The following ALMS1 variants were observed in gnomAD, a reference collection of about 807,000 sequenced individuals.
ALMS1 encodes the protein centrosome-associated protein ALMS1.
A neutral mutation model predicts 352.2 loss-of-function variants in ALMS1; 271 were observed. The ratio of observed to expected loss-of-function variants is 0.77; its 90% CI spans 0.70 to 0.85. ALMS1 has a LOEUF of 0.85. ALMS1 is among the 40% of genes least tolerant of loss of function. The probability of loss-of-function intolerance (pLI) is 0.00; values close to 1 mark genes in which losing one functional copy is unlikely to be tolerated. For synonymous variants in ALMS1, 1,865 were observed against 1,761.2 expected (o/e 1.06, Z -1.48); for missense variants, 5,445 against 4,870.7 (o/e 1.12, Z -3.51).
intron 21 of ALMS1, among the ~76,000 whole-genome samples, chr2:73,604,931 G>A (rs1407146970): frequency 6.6e-6 from 1 of 152,188 alleles, no homozygotes; most frequent in Non-Finnish European, 1.5e-5. Context: ...CGCCAGGAGT[G>A]TGATGGAAGA....
chr2:73,525,391 G>A lies in ALMS1; in HGVS notation c.9781+5375G>A, dbSNP rs553674107. ...AGTGTTGTACTAATTTACATTCCCA[G>A]CAACAGTGTACAAGAGTTCCCTTTT... On this transcript the variant is annotated intron_variant, in intron 11 of 22. Transcript: ENST00000613296. Among the ~76,000 whole-genome samples, 12 of 152,228 alleles carry A rather than the reference G, an allele frequency of 7.9e-5. No homozygotes were observed. In the South Asian group the frequency reaches 2.3e-3, roughly 29 times the overall value.
Position 73,545,674 on chromosome 2 carries a change from G to A in ALMS1, c.9908-4593G>A, listed in dbSNP as rs552337207. 5.9e-5 allele frequency among the ~76,000 whole-genome samples: 9 copies of A among 152,284 alleles called. No homozygotes were observed. In the East Asian group the frequency reaches 7.7e-4, roughly 13 times the overall value. ...CAGTTAAATCAGATGAGTGGAATTC[G>A]GTGAGATGTCTTTAGCTGTGATAAA... On this transcript the variant is annotated intron_variant, in intron 12 of 22. Transcript: ENST00000613296.
At position 73,575,800 on chromosome 2, in the gene ALMS1, C is replaced by T. The variant is rs571154944; in HGVS notation, c.11547+2376C>T. On this transcript the variant is annotated intron_variant, in intron 16 of 22. Transcript: ENST00000613296. The stretch of plus-strand genomic sequence containing the variant: ...CCTCTTTCACAGTCACTCTGCTGAC[C>T]GTGTCTTCTGACATATAGAAGTTTT... Among the ~76,000 whole-genome samples, 35 of 152,038 alleles carry T rather than the reference C, an allele frequency of 2.3e-4. No homozygotes were observed. In the East Asian group the frequency reaches 6.4e-3, roughly 28 times the overall value.
chr2:73,453,092 T>TA lies in ALMS1; in HGVS notation c.6566dup (p.Tyr2189Ter), dbSNP rs1671983691. Residue 2189 changes from tyrosine to a stop codon, truncating the protein, a stop_gained and frameshift_variant, in exon 8 of 23, where the codon TAC (tyrosine) becomes TAAC (stop). Coordinates refer to ENST00000613296, the MANE Select transcript of ALMS1 (RefSeq NM_001378454.1). LOFTEE classifies it high-confidence loss of function. ...TGLQTVPSGT[Y>*]SHGENHKLVS... ...ATTACAAACAGTTCCCTCTGGTACT[T>TA]ACTCACATGGTGAGAATCACAAGCT... 3.1e-6 allele frequency: 5 copies of TA among 1,613,964 alleles called. No homozygotes were observed. The highest frequency in any genetic ancestry group is 4.2e-6 in the Non-Finnish European group (5 of 1,180,010).
chr2:73,521,414 C>T (rs1177852213), intron 11 of ALMS1, among the ~76,000 whole-genome samples: 1 of 151,864 alleles, frequency 6.6e-6, no homozygotes, highest in African/African-American at 2.4e-5. Flanking sequence ...GTGGTGTTCT[C>T]ATGGTGGTGG....
chr2:73,540,484 G>C (rs1337056528), intron 12 of ALMS1, among the ~76,000 whole-genome samples: 1 of 152,144 alleles, frequency 6.6e-6, no homozygotes, highest in Non-Finnish European at 1.5e-5. Flanking sequence ...AAAATAACCA[G>C]CTAACATCAC....
intron 12 of ALMS1, among the ~76,000 whole-genome samples, chr2:73,536,314 C>T (rs560663858): frequency 2.0e-5 from 3 of 152,276 alleles, no homozygotes; most frequent in South Asian, 2.1e-4. Flanking sequence ...CTAACACTTC[C>T]ATCTGGTTGG....
At chr2:73,423,765 C>A (rs1671327218) in intron 4 of ALMS1, among the ~76,000 whole-genome samples, 1 of 151,744 alleles carries the variant, frequency 6.6e-6, no homozygotes, top group Non-Finnish European at 1.5e-5. Context: ...CTTTCTCTTT[C>A]TCTTTTTGTT....
In ALMS1 at chr2:73,448,263, G is replaced by C; in HGVS notation, c.1736G>C (p.Gly579Ala). ...CTCTCTAGTTCCCACTCACATAGGGGGAAGCCCAGCATTTTCTACCAGCAG... is the reference window on the plus strand; with the variant it reads ...CTCTCTAGTTCCCACTCACATAGGGCGAAGCCCAGCATTTTCTACCAGCAG... ...TVLSSSHSHR[G>A]KPSIFYQQGL... is the part of the protein sequence containing the mutation. The change falls in exon 8 of 23, where the codon GGG becomes GCG. Residue 579 changes from glycine to alanine, a missense_variant. By Grantham distance (60) the Gly-to-Ala change is moderately conservative. Coordinates refer to ENST00000613296, the MANE Select transcript of ALMS1 (RefSeq NM_001378454.1). The C allele has an allele frequency of 6.2e-7, 1 of 1,613,086 alleles. No homozygotes were observed. Among genetic ancestry groups the C allele is most frequent in the Non-Finnish European group, 8.5e-7 (1 of 1,179,644 alleles).
At chr2:73,495,258 G>A (rs780950856) in intron 10 of ALMS1, among the ~76,000 whole-genome samples, 3 of 151,720 alleles carry the variant, frequency 2.0e-5, no homozygotes, top group Non-Finnish European at 4.4e-5. Context: ...TTTTTGAGCC[G>A]GAGTCTTGCT....
In ALMS1 at chr2:73,450,077, A is replaced by T. The variant is rs574853656; in HGVS notation, c.3550A>T (p.Ile1184Leu). The T allele has an allele frequency of 2.5e-6, 4 of 1,614,000 alleles. No individual in the cohort carries two copies. The South Asian group carries it at 4.4e-5, about 18-fold the overall frequency. Reference protein sequence around the residue: ...VTGPGNQKTWIPRVLSTFYSQ... With the variant: ...VTGPGNQKTWLPRVLSTFYSQ... Reference sequence around the variant, plus strand: ...TGGACCAGGTAACCAGAAGACTTGGATACCAAGAGTACTTTCTACCTTCTA... The same window carrying T: ...TGGACCAGGTAACCAGAAGACTTGGTTACCAAGAGTACTTTCTACCTTCTA... The change falls in exon 8 of 23, where the codon ATA becomes TTA. Residue 1184 changes from isoleucine to leucine, a missense_variant. Physicochemically the swap from Ile to Leu is conservative, Grantham distance 5 (BLOSUM62 2). Coordinates refer to ENST00000613296, the MANE Select transcript of ALMS1 (RefSeq NM_001378454.1).
At chr2:73,582,372 C>T (rs1047903704) in intron 16 of ALMS1, among the ~76,000 whole-genome samples, 4 of 151,924 alleles carry the variant, frequency 2.6e-5, no homozygotes, top group South Asian at 4.1e-4. Flanking sequence ...ATTTCTTGTG[C>T]GTGGTAAAAA....
chr2:73,588,036 C>G (rs1293898156), intron 16 of ALMS1, among the ~76,000 whole-genome samples: 1 of 151,956 alleles, frequency 6.6e-6, no homozygotes, highest in Non-Finnish European at 1.5e-5. Flanking sequence ...TAAAAAACTG[C>G]TAACAAAAAA....
intron 1 of ALMS1, among the ~76,000 whole-genome samples, chr2:73,405,766 A>G (rs902146910): frequency 4.0e-5 from 6 of 151,794 alleles, no homozygotes; most frequent in South Asian, 2.1e-4. Context: ...TTTGTGCTTT[A>G]ATTTTTGTCT....
intron 13 of ALMS1, 103 bp downstream of exon 13, chr2:73,550,540 A>G (rs1436412498): frequency 3.4e-6 from 5 of 1,449,954 alleles, no homozygotes; most frequent in Non-Finnish European, 3.8e-6. Context: ...TTGTTATACA[A>G]GCTTTTCTCC....
In ALMS1 at chr2:73,490,442, C is replaced by A. The variant is rs751296181; in HGVS notation, c.8483C>A (p.Ala2828Glu). 8 of 1,614,068 alleles carry A rather than the reference C, an allele frequency of 5.0e-6. No individual in the cohort carries two copies. In the Admixed American group the frequency reaches 5.0e-5, roughly 10 times the overall value. ...AGTCATTCTGAGCCCAGTACCAGGG[C>A]AAATTGTAGCAATTTCAAGGAAATT... ...TGSHSEPSTR[A>E]NCSNFKEIQI... is the part of the protein sequence containing the mutation. Residue 2828 changes from alanine to glutamate, a missense_variant, in exon 10 of 23, where the codon GCA becomes GAA. Transcript: ENST00000613296.
At position 73,448,584 on chromosome 2, in the gene ALMS1, G is replaced by A. The variant is rs761213863; in HGVS notation, c.2057G>A (p.Gly686Asp). 6.2e-7 allele frequency: 1 copy of A among 1,613,622 alleles called. No homozygotes were observed. The highest frequency in any genetic ancestry group is 2.2e-5 in the East Asian group (1 of 44,804). The change falls in exon 8 of 23, where the codon GGT becomes GAT. Residue 686 changes from glycine (G) to aspartate (D), a missense_variant. Gly to Asp is a moderately conservative substitution (Grantham distance 94). Coordinates refer to ENST00000613296, the MANE Select transcript of ALMS1 (RefSeq NM_001378454.1). ...LFFYRQTLPDGHLTDQALKVS... is the reference protein window; with the variant it reads ...LFFYRQTLPDDHLTDQALKVS... ...TTCTATCGACAGACCTTGCCAGATGGTCATCTAACTGATCAGGCTCTGAAA... is the reference window on the plus strand; with the variant it reads ...TTCTATCGACAGACCTTGCCAGATGATCATCTAACTGATCAGGCTCTGAAA...
chr2:73,540,666 G>A (rs549114623), intron 12 of ALMS1, among the ~76,000 whole-genome samples: 21 of 152,222 alleles, frequency 1.4e-4, no homozygotes, highest in African/African-American at 4.6e-4. Flanking sequence ...TCAAAATAAA[G>A]GGATAGAGGA....
In ALMS1 at chr2:73,448,617, C is replaced by T; in HGVS notation, c.2090C>T (p.Ala697Val). The change falls in exon 8 of 23, where the codon GCT becomes GTT. Residue 697 changes from alanine to valine, a missense_variant. Ala to Val is a moderately conservative substitution (Grantham distance 64). Transcript: ENST00000613296. Reference sequence around the variant, plus strand: ...ACTGATCAGGCTCTGAAAGTCTCAGCTGTGTCTGGACCAGCTGACCAGAAG... The same window carrying T: ...ACTGATCAGGCTCTGAAAGTCTCAGTTGTGTCTGGACCAGCTGACCAGAAG... Reference protein sequence around the residue: ...HLTDQALKVSAVSGPADQKTG... With the variant: ...HLTDQALKVSVVSGPADQKTG... The T allele has an allele frequency of 6.2e-7, 1 of 1,613,988 alleles. No homozygotes were observed. Among genetic ancestry groups the T allele is most frequent in the Non-Finnish European group, 8.5e-7 (1 of 1,179,946 alleles).
Sources: gnomAD v4.1 joint callset for allele counts (sites outside exome capture counted in the v4.1 genomes callset) on GRCh38, gnomAD v4.1.1 for gene constraint, MANE v1.5 for transcripts, NCBI Gene and HGNC (gene_info 2026-07-23, HGNC 2026-07-21) for gene names.